KCND2: variants seen among roughly 807,000 people sequenced by gnomAD.
KCND2 encodes A-type voltage-gated potassium channel KCND2.
A neutral mutation model predicts 54.4 loss-of-function variants in KCND2; 16 were observed. The observed-to-expected ratio is 0.29, with a 90% CI of 0.20 to 0.45. KCND2 has a LOEUF of 0.45. KCND2 is among the 20% of genes least tolerant of loss of function. KCND2 has a pLI of 1.00. For missense variants in KCND2, 486 were observed against 824.2 expected (o/e 0.59, Z 5.02); for synonymous variants, 317 against 310.7 (o/e 1.02, Z -0.21).
chr7:120,274,720 C>T lies in KCND2; in HGVS notation c.88C>T (p.Pro30Ser), dbSNP rs1799146268. 1.9e-6 allele frequency: 3 copies of T among 1,613,802 alleles called. No individual in the cohort carries two copies. Among genetic ancestry groups the T allele is most frequent in the African/African-American group, 2.7e-5 (2 of 74,886 alleles). Residue 30 changes from proline to serine, a missense_variant, in exon 1 of 6, where the codon CCC becomes TCC. Around this residue, in one of 7 missense-constraint regions of KCND2, gnomAD observed 231 missense variants for 386.0 expected, o/e 0.60. Coordinates refer to ENST00000331113, the MANE Select transcript of KCND2 (RefSeq NM_012281.3). ...TGTGGCCTCGGGGCCTATGCCGGCT[C>T]CCCCGAGGCAGGAGAGGAAAAGGAC... ...MPVASGPMPA[P>S]PRQERKRTQD...
intron 1 of KCND2, among the ~76,000 whole-genome samples, chr7:120,508,232 T>C (rs996940272): frequency 1.3e-5 from 2 of 152,020 alleles, no homozygotes; most frequent in Admixed American, 6.6e-5. Flanking sequence ...CTTTTTATTA[T>C]GAATATCATG....
intron 1 of KCND2, among the ~76,000 whole-genome samples, chr7:120,723,639 G>C (rs2116112835): frequency 6.6e-6 from 1 of 152,230 alleles, no homozygotes; most frequent in African/African-American, 2.4e-5. Context: ...GTTCCCTTGA[G>C]TCCAGGATTT....
At chr7:120,311,693 T>A (rs1799738238) in intron 1 of KCND2, among the ~76,000 whole-genome samples, 1 of 152,100 alleles carries the variant, frequency 6.6e-6, no homozygotes, top group Non-Finnish European at 1.5e-5. Context: ...TAGTACTCAT[T>A]AGTTATTTTT....
intron 1 of KCND2, among the ~76,000 whole-genome samples, chr7:120,699,360 A>T (rs1014939861): frequency 1.3e-5 from 2 of 152,196 alleles, no homozygotes; most frequent in Non-Finnish European, 2.9e-5. Context: ...GGAAACATTC[A>T]TTCCTTTATT....
chr7:120,613,545 GA>G (rs1792984136), intron 1 of KCND2, among the ~76,000 whole-genome samples: 2 of 152,148 alleles, frequency 1.3e-5, no homozygotes, highest in Admixed American at 1.3e-4. Context: ...GGGAAGAAAG[GA>G]AAAGAGGGTT....
intron 1 of KCND2, among the ~76,000 whole-genome samples, chr7:120,491,053 G>A (rs1358915963): frequency 3.3e-5 from 5 of 152,064 alleles, no homozygotes; most frequent in Admixed American, 1.3e-4. Flanking sequence ...GAGACATAGG[G>A]GAGAAATCCT....
chr7:120,689,489 C>A (rs573520170), intron 1 of KCND2, among the ~76,000 whole-genome samples: 1 of 152,024 alleles, frequency 6.6e-6, no homozygotes, highest in Admixed American at 6.6e-5. Flanking sequence ...ATAAAGTCAC[C>A]ATTTACATAA....
chr7:120,628,434 C>T (rs569034319), intron 1 of KCND2, among the ~76,000 whole-genome samples: 3 of 152,156 alleles, frequency 2.0e-5, no homozygotes, highest in Admixed American at 2.0e-4. Flanking sequence ...TGTACATTGC[C>T]AGGCACTGAG....
At chr7:120,344,279 C>T (rs1800281118) in intron 1 of KCND2, among the ~76,000 whole-genome samples, 1 of 152,076 alleles carries the variant, frequency 6.6e-6, no homozygotes, top group South Asian at 2.1e-4. Context: ...ACTGTACCGC[C>T]TACTCAGAAC....
intron 1 of KCND2, among the ~76,000 whole-genome samples, chr7:120,562,204 G>A (rs143784082): frequency 6.6e-6 from 1 of 152,220 alleles, no homozygotes; most frequent in African/African-American, 2.4e-5. Context: ...AGTGAGAAAT[G>A]GGGTTCCCTG....
At chr7:120,304,562 GC>G (rs1382824341) in intron 1 of KCND2, among the ~76,000 whole-genome samples, 4 of 152,144 alleles carry the variant, frequency 2.6e-5, no homozygotes, top group Non-Finnish European at 5.9e-5. Flanking sequence ...GGTGGGTGGG[GC>G]TCATCAATCT....
chr7:120,641,857 TAA>T (rs78157203), intron 1 of KCND2, among the ~76,000 whole-genome samples: 11 of 133,414 alleles, frequency 8.2e-5, no homozygotes, highest in Non-Finnish European at 1.3e-4. Context: ...AAAAAGATAA[TAA>T]AAAAAAAAGA....
intron 1 of KCND2, among the ~76,000 whole-genome samples, chr7:120,339,766 G>A (rs1339938215): frequency 6.6e-6 from 1 of 152,114 alleles, no homozygotes; most frequent in Non-Finnish European, 1.5e-5. Context: ...CAGAGCAGAG[G>A]GAAGGGAAGG....
At chr7:120,730,674 C>G (rs1346817473) in intron 1 of KCND2, among the ~76,000 whole-genome samples, 2 of 152,084 alleles carry the variant, frequency 1.3e-5, no homozygotes. Flanking sequence ...CTACTGATCA[C>G]CCACAAACAC....
intron 1 of KCND2, among the ~76,000 whole-genome samples, chr7:120,703,738 C>G (rs1339882131): frequency 6.6e-6 from 1 of 152,176 alleles, no homozygotes; most frequent in Non-Finnish European, 1.5e-5. Context: ...GCAGGTGACA[C>G]TGGCCACACT....
At chr7:120,668,714 A>C (rs953401388) in intron 1 of KCND2, among the ~76,000 whole-genome samples, 1 of 152,080 alleles carries the variant, frequency 6.6e-6, no homozygotes, top group South Asian at 2.1e-4. Context: ...ATTATTAAGA[A>C]GAAATATAAG....
intron 1 of KCND2, among the ~76,000 whole-genome samples, chr7:120,439,640 CA>C (rs1180784896): frequency 6.6e-6 from 1 of 151,974 alleles, no homozygotes; most frequent in Admixed American, 6.6e-5. Context: ...ACCTGCTAAC[CA>C]AACTCTCCAT....
intron 1 of KCND2, among the ~76,000 whole-genome samples, chr7:120,422,897 C>T (rs1801647793): frequency 1.3e-5 from 2 of 151,968 alleles, no homozygotes; most frequent in Admixed American, 6.6e-5. Flanking sequence ...TTTTCGTCTG[C>T]TTAGGTTGTT....
chr7:120,621,199 G>C (rs1245379683), intron 1 of KCND2, among the ~76,000 whole-genome samples: 5 of 148,550 alleles, frequency 3.4e-5, no homozygotes, highest in Non-Finnish European at 5.9e-5. Flanking sequence ...CTTGAACCCA[G>C]GAGGCGGAGG....
Sources: gnomAD v4.1 joint callset for allele counts (sites outside exome capture counted in the v4.1 genomes callset) on GRCh38, gnomAD v4.1.1 for gene constraint, gnomAD v4.1.1 regional missense constraint, MANE v1.5 for transcripts, NCBI Gene and HGNC (gene_info 2026-07-23, HGNC 2026-07-21) for gene names.